The following TM2D1 variants were observed in gnomAD, a reference collection of about 807,000 sequenced individuals.
TM2D1 encodes the protein TM2 domain containing 1, also known as TM2 domain-containing protein 1.
TM2D1 carries 15 observed loss-of-function variants against 28.4 expected under a neutral mutation model. The ratio of observed to expected loss-of-function variants is 0.53; its 90% CI spans 0.35 to 0.81. The LOEUF is 0.81. Among genes scored for constraint, TM2D1 ranks in the 40% least tolerant of loss-of-function variants. The probability of loss-of-function intolerance (pLI) is 0.01; values close to 1 mark genes in which losing one functional copy is unlikely to be tolerated. For missense variants in TM2D1, 236 were observed against 254.9 expected (o/e 0.93, Z 0.50); for synonymous variants, 93 against 96.2 (o/e 0.97, Z 0.20).
intron 2 of TM2D1, among the ~76,000 whole-genome samples, chr1:61,714,438 G>A (rs972900106): frequency 6.6e-6 from 1 of 152,146 alleles, no homozygotes; most frequent in African/African-American, 2.4e-5. Context: ...CTAGTCAGGA[G>A]GCTGAGGCAG....
At chr1:61,689,537 T>C (rs1557526170) in intron 5 of TM2D1, among the ~76,000 whole-genome samples, 1 of 152,080 alleles carries the variant, frequency 6.6e-6, no homozygotes, top group Non-Finnish European at 1.5e-5. Context: ...ACCTGGCAAA[T>C]TTTTTAAAAA....
chr1:61,702,669 A>C (rs1644410783), intron 3 of TM2D1, among the ~76,000 whole-genome samples: 2 of 151,434 alleles, frequency 1.3e-5, no homozygotes, highest in African/African-American at 4.8e-5. Context: ...TGCCTGGTCC[A>C]ATTCAATTTT....
rs538823529 is a variant in TM2D1 at position 61,724,818 on chromosome 1, G to A, written c.164+139C>T. The A allele has an allele frequency of 2.8e-5, 27 of 962,836 alleles. No homozygotes were observed. The East Asian group carries it at 7.4e-4, about 26-fold the overall frequency. 59.6% of individuals were successfully genotyped at this position (962,836 alleles called of 1,614,324 possible). On this transcript the variant is annotated intron_variant, in intron 1 of 6. Transcript: ENST00000606498. ...CTCCACAACTCTGTTCACCTTCAGG[G>A]ATCCTTCAGTCATTAGAAGCCACAG...
At chr1:61,721,620 TG>T (rs1644565706) in intron 2 of TM2D1, among the ~76,000 whole-genome samples, 1 of 151,038 alleles carries the variant, frequency 6.6e-6, no homozygotes, top group Non-Finnish European at 1.5e-5. Flanking sequence ...ATATACTCAG[TG>T]AAAAAAACAA....
At chr1:61,691,629 A>G (rs922282801) in intron 5 of TM2D1, among the ~76,000 whole-genome samples, 2 of 151,584 alleles carry the variant, frequency 1.3e-5, no homozygotes, top group African/African-American at 2.4e-5. Context: ...ATAAAAATAT[A>G]AGGAGGCTGG....
intron 5 of TM2D1, among the ~76,000 whole-genome samples, chr1:61,689,388 G>C (rs903486453): frequency 2.6e-5 from 4 of 152,044 alleles, no homozygotes; most frequent in Non-Finnish European, 4.4e-5. Context: ...TTTTGAGACA[G>C]GGTCTCACTC....
chr1:61,694,835 T>C lies in TM2D1; in HGVS notation c.440-65A>G, dbSNP rs190490137. ...TTCTAAATATTAACAAACTGCTCCA[T>C]TTTCCAATAAACCATTATTATATAT... is the stretch of plus-strand genomic sequence containing the variant. On this transcript the variant is annotated intron_variant, in intron 4 of 6. Transcript: ENST00000606498. The C allele has an allele frequency of 2.1e-3, 1,988 of 967,928 alleles. 1 individual carries two copies. Among genetic ancestry groups the C allele is most frequent in the Non-Finnish European group, 2.6e-3 (1,687 of 653,926 alleles). The allele number at this position is 967,928 out of a possible 1,614,324, so 60.0% of individuals were successfully genotyped here.
At chr1:61,685,019 G>A (rs1022145876) in intron 5 of TM2D1, among the ~76,000 whole-genome samples, 3 of 152,154 alleles carry the variant, frequency 2.0e-5, no homozygotes, top group Non-Finnish European at 2.9e-5. Context: ...CCTAGTACTA[G>A]GATGATGGTT....
chr1:61,710,847 C>G (rs1410656036), intron 2 of TM2D1, among the ~76,000 whole-genome samples: 2 of 151,946 alleles, frequency 1.3e-5, no homozygotes, highest in African/African-American at 4.8e-5. Context: ...AAGAATAGTA[C>G]ACTGAGAAAA....
chr1:61,708,449 T>C (rs919466612), intron 3 of TM2D1, among the ~76,000 whole-genome samples: 2 of 152,224 alleles, frequency 1.3e-5, no homozygotes, highest in African/African-American at 2.4e-5. Flanking sequence ...AAAGACAGTG[T>C]CTCACTATGC....
chr1:61,706,184 T>C (rs911598852), intron 3 of TM2D1, among the ~76,000 whole-genome samples: 7 of 152,170 alleles, frequency 4.6e-5, no homozygotes, highest in Non-Finnish European at 7.3e-5. Context: ...CCCATTGTTC[T>C]GTTGAGCAAT....
chr1:61,707,112 G>A (rs902492057), intron 3 of TM2D1, among the ~76,000 whole-genome samples: 3 of 151,786 alleles, frequency 2.0e-5, no homozygotes, highest in East Asian at 2.0e-4. Context: ...AAAATTAGCC[G>A]AGCTTTGGGG....
chr1:61,709,113 C>T (rs956894029), intron 3 of TM2D1, among the ~76,000 whole-genome samples: 4 of 152,002 alleles, frequency 2.6e-5, no homozygotes, highest in Non-Finnish European at 5.9e-5. Context: ...TGAAGTGAGC[C>T]GTGATCATGC....
At chr1:61,685,514 T>C (rs1644278835) in intron 5 of TM2D1, among the ~76,000 whole-genome samples, 1 of 152,242 alleles carries the variant, frequency 6.6e-6, no homozygotes, top group Non-Finnish European at 1.5e-5. Flanking sequence ...ACTTAATTCC[T>C]GTGATATTCC....
At chr1:61,687,358 T>C (rs1442353838) in intron 5 of TM2D1, among the ~76,000 whole-genome samples, 3 of 152,326 alleles carry the variant, frequency 2.0e-5, no homozygotes, top group Non-Finnish European at 4.4e-5. Flanking sequence ...CTGAACACAA[T>C]TAATGCCACT....
At chr1:61,699,927 A>G (rs1314588069) in intron 4 of TM2D1, 1 of 363,916 alleles carries the variant, frequency 2.7e-6, no homozygotes, top group Non-Finnish European at 4.7e-6. Context: ...TATATCTACC[A>G]TCAACCCCAC....
At position 61,697,222 on chromosome 1, in the gene TM2D1, G is replaced by A. The variant is rs1395191660; in HGVS notation, c.440-2452C>T. On this transcript the variant is annotated intron_variant, in intron 4 of 6. Transcript: ENST00000606498. Reference sequence around the variant, plus strand: ...TCACACGTTTGGAGTAAGATATGCTGTAAGTCACTGTAATGATTAAACCTT... The same window carrying A: ...TCACACGTTTGGAGTAAGATATGCTATAAGTCACTGTAATGATTAAACCTT... 3.0e-4 allele frequency among the ~76,000 whole-genome samples: 46 copies of A among 151,146 alleles called. 1 individual carries two copies. The highest frequency in any genetic ancestry group is 1.5e-5 in the Non-Finnish European group (1 of 68,014).
intron 2 of TM2D1, 69 bp downstream of exon 2, chr1:61,723,644 G>T: frequency 1.3e-6 from 1 of 768,620 alleles, no homozygotes; most frequent in South Asian, 2.4e-5. Flanking sequence ...TGCCTTTAGT[G>T]ATCATACATT....
At chr1:61,697,825 TCTGTTCTC>T (rs1644374901) in intron 4 of TM2D1, 1 of 152,146 alleles carries the variant, frequency 6.6e-6, no homozygotes, top group South Asian at 2.1e-4. Context: ...TTATCTCTGA[TCTGTTCTC>T]TAGTTTCCTT....
Sources: gnomAD v4.1 joint callset for allele counts (sites outside exome capture counted in the v4.1 genomes callset) on GRCh38, gnomAD v4.1.1 for gene constraint, MANE v1.5 for transcripts, NCBI Gene and HGNC (gene_info 2026-07-23, HGNC 2026-07-21) for gene names.